Variants in METTL9 observed in about 807,000 individuals in gnomAD.
The protein encoded by METTL9 is methyltransferase 9, His-X-His N1(pi)-histidine.
METTL9 carries 10 observed loss-of-function variants against 36.0 expected under a neutral mutation model. The ratio of observed to expected loss-of-function variants is 0.28; its 90% CI spans 0.17 to 0.47. METTL9 has a LOEUF of 0.47. Among genes scored for constraint, METTL9 ranks in the 20% least tolerant of loss-of-function variants. The probability of loss-of-function intolerance (pLI) is 0.99; values close to 1 mark genes in which losing one functional copy is unlikely to be tolerated. For synonymous variants in METTL9, 175 were observed against 149.7 expected, an observed-to-expected ratio of 1.17 and a Z score of -1.23; for missense variants, 246 against 383.5, an observed-to-expected ratio of 0.64 and a Z score of 3.00.
intron 4 of METTL9, chr16:21,643,663 C>G: frequency 9.7e-7 from 1 of 1,027,232 alleles, no homozygotes; most frequent in Non-Finnish European, 1.5e-6. Flanking sequence ...TGGCAGATAT[C>G]TCATGCCCTA....
At position 21,601,241 on chromosome 16, in the gene METTL9, G is replaced by A. The variant is rs474843; in HGVS notation, c.165+1343G>A. ...CCACATTTATTCCTATGGATTATTTGCTTACACTAGTTCATTCTTATAGAG... is the reference window on the plus strand; with the variant it reads ...CCACATTTATTCCTATGGATTATTTACTTACACTAGTTCATTCTTATAGAG... On this transcript the variant is annotated intron_variant, in intron 1 of 4. Transcript: ENST00000358154. Among the ~76,000 whole-genome samples, 1,346 of 152,166 alleles carry A rather than the reference G, an allele frequency of 8.8e-3. 46 individuals are homozygous for A. The highest frequency in any genetic ancestry group is 0.083 in the East Asian group (429 of 5,174).
At chr16:21,597,380 A>ATTTACATTTAGCAGGC, upstream of METTL9, 1 of 890,898 alleles carries the variant, frequency 1.1e-6, no homozygotes, top group Non-Finnish European at 1.6e-6. Flanking sequence ...TGTGCCTGCT[A>ATTTACATTTAGCAGGC]AATGTAAATA....
rs1030514357 is a variant in METTL9 at position 21,643,015 on chromosome 16, GT to G, written c.752-12206del. 4.1e-6 allele frequency: 5 copies of G among 1,205,792 alleles called. No homozygotes were observed. In the African/African-American group the frequency reaches 7.5e-5, roughly 18 times the overall value. The allele number at this position is 1,205,792 out of a possible 1,614,324, so 74.7% of individuals were successfully genotyped here. ...TTCTTGACAGCTCCTTGGCAGCTTA[GT>G]TTTTTCAAACGTGCTTTATATCTGT... On this transcript the variant is annotated intron_variant, in intron 4 of 4. Coordinates refer to ENST00000358154, the MANE Select transcript of METTL9 (RefSeq NM_016025.5).
Position 21,631,586 on chromosome 16 carries a change from T to C in METTL9, c.751+6471T>C, listed in dbSNP as rs909226320. 2.0e-5 allele frequency among the ~76,000 whole-genome samples: 3 copies of C among 152,200 alleles called. No homozygotes were observed. In the South Asian group the frequency reaches 6.2e-4, roughly 32 times the overall value. On this transcript the variant is annotated intron_variant, in intron 4 of 4. Transcript: ENST00000358154. ...TGAATACTCATTGTGTCGTTTTTCCTTAATCGCCCGGGAGGAACCATCTAT... is the reference window on the plus strand; with the variant it reads ...TGAATACTCATTGTGTCGTTTTTCCCTAATCGCCCGGGAGGAACCATCTAT...
chr16:21,641,340 A>G (rs1249775769), intron 4 of METTL9: 4 of 394,936 alleles, frequency 1.0e-5, no homozygotes, highest in Non-Finnish European at 1.8e-5. Context: ...TTTCAGTTGC[A>G]TTTTGTTGGG....
Position 21,612,743 on chromosome 16 carries a change from C to T in METTL9, c.264C>T (p.Ser88=). 1 of 1,612,780 alleles carries T rather than the reference C, an allele frequency of 6.2e-7. No homozygotes were observed. Among genetic ancestry groups the T allele is most frequent in the Non-Finnish European group, 8.5e-7 (1 of 1,179,752 alleles). ...GAACACAGATCTTCTTAAACAACAGCATTGAGAAATCGGGCTGGCTATTTA... is the reference window on the plus strand; with the variant it reads ...GAACACAGATCTTCTTAAACAACAGTATTGAGAAATCGGGCTGGCTATTTA... ...DQGTQIFLNN[S]IEKSGWLFIQ... Residue 88 remains serine, a synonymous_variant, in exon 2 of 5, where the codon AGC becomes AGT. Coordinates refer to ENST00000358154, the MANE Select transcript of METTL9 (RefSeq NM_016025.5).
At chr16:21,625,989 G>A (rs145031384) in intron 4 of METTL9, among the ~76,000 whole-genome samples, 1 of 152,156 alleles carries the variant, frequency 6.6e-6, no homozygotes, top group Non-Finnish European at 1.5e-5. Context: ...CCTCTACCTC[G>A]TGGGTTCAGG....
At chr16:21,620,072 A>G (rs1447159242) in intron 3 of METTL9, among the ~76,000 whole-genome samples, 5 of 152,176 alleles carry the variant, frequency 3.3e-5, no homozygotes, top group African/African-American at 1.2e-4. Flanking sequence ...TATGGAAGGA[A>G]AGGAATAGGT....
chr16:21,622,207 C>A (rs925037208), intron 3 of METTL9, among the ~76,000 whole-genome samples: 2 of 136,834 alleles, frequency 1.5e-5, no homozygotes. Flanking sequence ...TGCAGTGACA[C>A]AATCATAGCT....
chr16:21,597,310 T>C (rs904652885), upstream of METTL9: 10 of 1,288,200 alleles, frequency 7.8e-6, no homozygotes, highest in Admixed American at 1.8e-4. Flanking sequence ...GGTCAGCTAT[T>C]GAATTTACTC....
chr16:21,626,224 A>G (rs530932488), intron 4 of METTL9, among the ~76,000 whole-genome samples: 10 of 152,242 alleles, frequency 6.6e-5, no homozygotes, highest in Admixed American at 1.3e-4. Context: ...CAGATTTTCT[A>G]TTTCACTGCC....
At chr16:21,651,887 C>CA (rs1285358399) in intron 4 of METTL9, 1 of 152,068 alleles carries the variant, frequency 6.6e-6, no homozygotes, top group Non-Finnish European at 1.5e-5. Context: ...AAAGTAGAAG[C>CA]AAAAAGTCAC....
Position 21,624,927 on chromosome 16 carries a change from C to T in METTL9, c.567-4C>T, listed in dbSNP as rs774128854. 9.3e-6 allele frequency: 15 copies of T among 1,612,780 alleles called. No individual in the cohort carries two copies. The highest frequency in any genetic ancestry group is 1.3e-5 in the Non-Finnish European group (15 of 1,179,098). ...GTTAATACAGTTATTTCTGATTTTT[C>T]TAGAGTCCTTGGTATAAATGAATGG... is the stretch of plus-strand genomic sequence containing the variant. On this transcript the variant is annotated splice_region_variant and splice_polypyrimidine_tract_variant and intron_variant, in intron 3 of 4. Transcript: ENST00000358154.
Position 21,655,703 on chromosome 16 carries a change from G to T in METTL9, c.*271G>T. On this transcript the variant is annotated 3_prime_UTR_variant, in exon 5 of 5. Transcript: ENST00000358154. The stretch of plus-strand genomic sequence containing the variant: ...AGGTCACACTCCAATTATGATGGAA[G>T]ATATTTTTTATACTTAATTGCAGTA... 2.8e-6 allele frequency: 1 copy of T among 352,472 alleles called. No homozygotes were observed. The highest frequency in any genetic ancestry group is 5.2e-6 in the Non-Finnish European group (1 of 193,914). 21.8% of individuals were successfully genotyped at this position (352,472 alleles called of 1,614,324 possible). A position where few individuals can be genotyped will look rare whatever the true frequency, so the allele number is the denominator to read the frequency against.
At chr16:21,616,132 T>C (rs2152894332) in intron 2 of METTL9, among the ~76,000 whole-genome samples, 1 of 152,342 alleles carries the variant, frequency 6.6e-6, no homozygotes, top group East Asian at 1.9e-4. Flanking sequence ...ATCTTTCCAG[T>C]CACTGTATAG....
At chr16:21,609,692 T>G (rs1597743603) in intron 1 of METTL9, among the ~76,000 whole-genome samples, 1 of 151,964 alleles carries the variant, frequency 6.6e-6, no homozygotes, top group East Asian at 1.9e-4. Context: ...AGCTGTGTGA[T>G]GGAGTGAGGG....
At chr16:21,649,303 C>G (rs1966509454) in intron 4 of METTL9, among the ~76,000 whole-genome samples, 1 of 152,100 alleles carries the variant, frequency 6.6e-6, no homozygotes, top group African/African-American at 2.4e-5. Context: ...CTCTTCTCAT[C>G]ATGTTATATT....
At chr16:21,651,245 G>T (rs368680852) in intron 4 of METTL9, among the ~76,000 whole-genome samples, 6 of 152,156 alleles carry the variant, frequency 3.9e-5, no homozygotes, top group African/African-American at 1.4e-4. Context: ...AAGCCATATT[G>T]AAAGTAGGAA....
At chr16:21,655,193 C>T (rs1597794694) in intron 4 of METTL9, 34 bp from the exon 5 acceptor site, 2 of 1,586,318 alleles carry the variant, frequency 1.3e-6, no homozygotes, top group Non-Finnish European at 8.6e-7. Flanking sequence ...CTTGTTTGTT[C>T]AAGAATTTAA....
Sources: allele counts gnomAD v4.1 joint callset (sites outside exome capture counted in the v4.1 genomes callset), GRCh38; gene constraint gnomAD v4.1.1; transcripts MANE v1.5; gene names NCBI Gene and HGNC (gene_info 2026-07-23, HGNC 2026-07-21).